Variants in PARVA observed in about 807,000 individuals in gnomAD.
PARVA encodes alpha-parvin.
In PARVA, 25 loss-of-function variants were observed where a neutral mutation model predicts 52.6. That is an observed-to-expected ratio of 0.48 (90% CI 0.35 to 0.66). PARVA has a LOEUF of 0.66. Among genes scored for constraint, PARVA ranks in the 30% least tolerant of loss-of-function variants. The probability of loss-of-function intolerance (pLI) is 0.01; values close to 1 mark genes in which losing one functional copy is unlikely to be tolerated. For synonymous variants in PARVA, 185 were observed against 179.1 expected (o/e 1.03, Z -0.26); for missense variants, 373 against 450.9 (o/e 0.83, Z 1.56).
At chr11:12,492,243 C>A (rs1227105160) in intron 4 of PARVA, among the ~76,000 whole-genome samples, 3 of 152,152 alleles carry the variant, frequency 2.0e-5, no homozygotes, top group East Asian at 3.8e-4. Flanking sequence ...TCTCCAAAAG[C>A]AAATTTGGGT....
At chr11:12,467,457 A>G (rs559971921) in intron 1 of PARVA, among the ~76,000 whole-genome samples, 1 of 152,304 alleles carries the variant, frequency 6.6e-6, no homozygotes, top group East Asian at 1.9e-4. Flanking sequence ...TCCCATTTTT[A>G]GGGGCAAAGC....
At chr11:12,442,622 A>G (rs1940483302) in intron 1 of PARVA, among the ~76,000 whole-genome samples, 1 of 152,028 alleles carries the variant, frequency 6.6e-6, no homozygotes, top group African/African-American at 2.4e-5. Context: ...CCACAGGTAC[A>G]TTGACTAAGC....
intron 1 of PARVA, among the ~76,000 whole-genome samples, chr11:12,426,055 A>G (rs7946268): frequency 0.48 from 72,590 of 152,000 alleles, 17,712 homozygotes; most frequent in African/African-American, 0.58. Flanking sequence ...AGACAGGGTC[A>G]AGCAAAGCAA....
intron 9 of PARVA, 118 bp downstream of exon 9, chr11:12,513,478 G>C (rs753619187): frequency 2.3e-6 from 2 of 870,028 alleles, no homozygotes; most frequent in Non-Finnish European, 4.0e-6. Flanking sequence ...CCTAACCTCT[G>C]CACACACAGG....
At chr11:12,381,457 C>T (rs1195518253) in intron 1 of PARVA, among the ~76,000 whole-genome samples, 1 of 152,118 alleles carries the variant, frequency 6.6e-6, no homozygotes, top group Non-Finnish European at 1.5e-5. Context: ...CATTTGGTAC[C>T]TGCTATGTCC....
rs568220476 is a variant in PARVA at position 12,472,219 on chromosome 11, T to C, written c.137-1526T>C. Among the ~76,000 whole-genome samples, 194 of 152,336 alleles carry C rather than the reference T, an allele frequency of 1.3e-3. 3 individuals are homozygous for C. The highest frequency in any genetic ancestry group is 0.01 in the Middle Eastern group (3 of 294). ...TACACTAAACACTAATGATAGCTGA[T>C]GAGCTATTAAAAATCTCCAGATAAT... On this transcript the variant is annotated intron_variant, in intron 1 of 12. Coordinates refer to ENST00000334956, the MANE Select transcript of PARVA (RefSeq NM_018222.5).
chr11:12,508,483 G>A (rs1431872554), intron 6 of PARVA, 101 bp from the exon 7 acceptor site: 3 of 864,970 alleles, frequency 3.5e-6, no homozygotes, highest in African/African-American at 3.4e-5. Flanking sequence ...TTAAACACCA[G>A]TAACTTTCTC....
At chr11:12,524,677 CGCCCTCTTGGGAGCGCGTG>C (rs1266774193) in intron 12 of PARVA, among the ~76,000 whole-genome samples, 1 of 152,214 alleles carries the variant, frequency 6.6e-6, no homozygotes, top group African/African-American at 2.4e-5. Flanking sequence ...TTAACCTCCT[CGCCCTCTTGGGAGCGCGTG>C]GCCCTCTTGT....
At chr11:12,404,102 CTCT>C in intron 1 of PARVA, among the ~76,000 whole-genome samples, 1 of 99,082 alleles carries the variant, frequency 1.0e-5, no homozygotes, top group East Asian at 2.8e-4. Context: ...TTTAATATAG[CTCT>C]TTTTTTTTTT....
intron 8 of PARVA, 40 bp from the exon 9 acceptor site, chr11:12,513,259 T>C: frequency 6.3e-7 from 1 of 1,598,986 alleles, no homozygotes; most frequent in Non-Finnish European, 8.6e-7. Context: ...CTGCCAGGGA[T>C]CAGCTCTTGT....
chr11:12,456,801 C>T (rs1005889446), intron 1 of PARVA, among the ~76,000 whole-genome samples: 1 of 152,122 alleles, frequency 6.6e-6, no homozygotes, highest in Non-Finnish European at 1.5e-5. Flanking sequence ...CCCAGGCTCC[C>T]ATAGAGTACT....
chr11:12,432,994 G>A lies in PARVA; in HGVS notation c.137-40751G>A, dbSNP rs1940336093. On this transcript the variant is annotated intron_variant, in intron 1 of 12. Coordinates refer to ENST00000334956, the MANE Select transcript of PARVA (RefSeq NM_018222.5). ...CCAGACACGATTTAAAAAATTAAAAGGTATATTAAATTGAATTGTTTTGAA... is the reference window on the plus strand; with the variant it reads ...CCAGACACGATTTAAAAAATTAAAAAGTATATTAAATTGAATTGTTTTGAA... Among the ~76,000 whole-genome samples the A allele has an allele frequency of 2.6e-5, 4 of 152,100 alleles. No homozygotes were observed. The South Asian group carries it at 8.3e-4, about 32-fold the overall frequency.
intron 7 of PARVA, among the ~76,000 whole-genome samples, chr11:12,510,827 G>C (rs971113881): frequency 3.9e-5 from 6 of 152,136 alleles, no homozygotes; most frequent in Admixed American, 6.5e-5. Flanking sequence ...AGGAATTCTG[G>C]GAGATACAGT....
chr11:12,377,623 G>T lies in PARVA; in HGVS notation c.-25G>T, dbSNP rs754749222. On this transcript the variant is annotated 5_prime_UTR_variant, in exon 1 of 13. Coordinates refer to ENST00000334956, the MANE Select transcript of PARVA (RefSeq NM_018222.5). ...CCAGCGCCAGCTCCGCGTCCCGACCGGCCCGCGGCAGCCTGCGCCGCGCCA... is the reference window on the plus strand; with the variant it reads ...CCAGCGCCAGCTCCGCGTCCCGACCTGCCCGCGGCAGCCTGCGCCGCGCCA... The T allele has an allele frequency of 6.4e-6, 10 of 1,561,016 alleles. No homozygotes were observed. In the Middle Eastern group the frequency reaches 5.1e-4, roughly 79 times the overall value.
In PARVA at chr11:12,383,311, C is replaced by T. The variant is rs562986716; in HGVS notation, c.136+5528C>T. 4.6e-5 allele frequency among the ~76,000 whole-genome samples: 7 copies of T among 152,324 alleles called. No homozygotes were observed. In the East Asian group the frequency reaches 1.4e-3, roughly 29 times the overall value. Reference sequence around the variant, plus strand: ...AACTTTCTTTCTCTGAAACTGTCCTCAAGACGTGCTCTTTCAAGCAACACT... The same window carrying T: ...AACTTTCTTTCTCTGAAACTGTCCTTAAGACGTGCTCTTTCAAGCAACACT... On this transcript the variant is annotated intron_variant, in intron 1 of 12. Transcript: ENST00000334956.
chr11:12,441,768 C>T (rs79508416), intron 1 of PARVA, among the ~76,000 whole-genome samples: 75 of 152,286 alleles, frequency 4.9e-4, no homozygotes, highest in African/African-American at 1.6e-3. Context: ...ACAAAAACGA[C>T]TATATTTTAA....
chr11:12,421,741 A>G lies in PARVA; in HGVS notation c.136+43958A>G, dbSNP rs146354944. Among the ~76,000 whole-genome samples, 631 of 152,348 alleles carry G rather than the reference A, an allele frequency of 4.1e-3. 3 individuals are homozygous for G. Among genetic ancestry groups the G allele is most frequent in the African/African-American group, 0.014 (594 of 41,572 alleles). Reference sequence around the variant, plus strand: ...GAATGGCCTTAATTCTTGAATTGCAATTGTGCAAATATAGTTTGTACACTC... The same window carrying G: ...GAATGGCCTTAATTCTTGAATTGCAGTTGTGCAAATATAGTTTGTACACTC... On this transcript the variant is annotated intron_variant, in intron 1 of 12. Coordinates refer to ENST00000334956, the MANE Select transcript of PARVA (RefSeq NM_018222.5).
At chr11:12,476,757 C>G (rs1941019612) in intron 3 of PARVA, among the ~76,000 whole-genome samples, 1 of 152,208 alleles carries the variant, frequency 6.6e-6, no homozygotes, top group South Asian at 2.1e-4. Context: ...GTAGGTATTA[C>G]AGTTGCCATC....
intron 1 of PARVA, among the ~76,000 whole-genome samples, chr11:12,386,218 C>T (rs1177064782): frequency 6.6e-6 from 1 of 152,212 alleles, no homozygotes; most frequent in Non-Finnish European, 1.5e-5. Flanking sequence ...GCCTTCACAG[C>T]TACTCCTTCC....
Sources: gnomAD v4.1 joint callset for allele counts (sites outside exome capture counted in the v4.1 genomes callset) on GRCh38, gnomAD v4.1.1 for gene constraint, MANE v1.5 for transcripts, NCBI Gene and HGNC (gene_info 2026-07-23, HGNC 2026-07-21) for gene names.